The following CHODL variants were observed in gnomAD, a reference collection of about 807,000 sequenced individuals.
CHODL encodes chondrolectin.
Under a neutral mutation model 34.5 loss-of-function variants are expected in CHODL, and 29 were observed. That is an observed-to-expected ratio of 0.84 (90% CI 0.63 to 1.15). CHODL has a LOEUF of 1.15. CHODL is among the 50% of genes most tolerant of loss of function. CHODL has a pLI of 0.00. For missense variants in CHODL, 332 were observed against 332.5 expected (o/e 1.00, Z 0.01); for synonymous variants, 125 against 116.1 (o/e 1.08, Z -0.49).
At chr21:18,192,841 T>A (rs2073526814) in intron 2 of CHODL, among the ~76,000 whole-genome samples, 1 of 152,308 alleles carries the variant, frequency 6.6e-6, no homozygotes, top group Non-Finnish European at 1.5e-5. Context: ...CTAGTTGTTA[T>A]GTTGTCCTCA....
rs185962706 is a variant in CHODL at position 18,000,349 on chromosome 21, C to A, written c.-144-27523C>A. Among the ~76,000 whole-genome samples, 9 of 152,262 alleles carry A rather than the reference C, an allele frequency of 5.9e-5. No individual in the cohort carries two copies. The East Asian group carries it at 1.7e-3, about 29-fold the overall frequency. On this transcript the variant is annotated intron_variant, in intron 1 of 6. Coordinates refer to the CHODL transcript ENST00000400127. ...CAAAGAATAATGTCACAGGCTTGTT[C>A]CTTGCCTTGCATAAAATATGTAACT... is the stretch of plus-strand genomic sequence containing the variant.
chr21:18,127,672 GTTTTTTTTTTT>G (rs71318127), intron 2 of CHODL, among the ~76,000 whole-genome samples: 2 of 70,006 alleles, frequency 2.9e-5, no homozygotes, highest in African/African-American at 1.1e-4. Context: ...CGTTGCCATT[GTTTTTTTTTTT>G]TTTTTTTTTT....
At chr21:18,005,650 C>T (rs1365382103) in intron 1 of CHODL, among the ~76,000 whole-genome samples, 1 of 152,296 alleles carries the variant, frequency 6.6e-6, no homozygotes, top group Non-Finnish European at 1.5e-5. Flanking sequence ...AATTTACTTG[C>T]AAGTTATGTT....
At chr21:18,252,017 A>G (rs2074262809) in intron 1 of CHODL, among the ~76,000 whole-genome samples, 1 of 152,036 alleles carries the variant, frequency 6.6e-6, no homozygotes, top group Non-Finnish European at 1.5e-5. Flanking sequence ...CCTAGTGCAC[A>G]TCTAGCAAAT....
chr21:17,986,018 A>G (rs2146381395), intron 1 of CHODL, among the ~76,000 whole-genome samples: 1 of 152,258 alleles, frequency 6.6e-6, no homozygotes, highest in East Asian at 1.9e-4. Context: ...TTATCTTCCA[A>G]AAGCCTCACC....
intron 2 of CHODL, among the ~76,000 whole-genome samples, chr21:18,033,244 C>T (rs954550816): frequency 2.0e-5 from 3 of 151,844 alleles, no homozygotes; most frequent in Non-Finnish European, 2.9e-5. Context: ...ACAATAAAAG[C>T]GGTGACCTGC....
intron 1 of CHODL, among the ~76,000 whole-genome samples, chr21:17,921,844 T>A (rs1008777542): frequency 6.6e-6 from 1 of 152,228 alleles, no homozygotes; most frequent in African/African-American, 2.4e-5. Flanking sequence ...ATGCAGCATG[T>A]GGACAGCAGA....
intron 1 of CHODL, among the ~76,000 whole-genome samples, chr21:17,990,535 G>C (rs377306787): frequency 1.3e-5 from 2 of 151,950 alleles, no homozygotes; most frequent in African/African-American, 4.8e-5. Flanking sequence ...TTTCCACTAC[G>C]GTTTCAAGTA....
chr21:18,078,122 G>T (rs1365780836), intron 2 of CHODL, among the ~76,000 whole-genome samples: 1 of 152,114 alleles, frequency 6.6e-6, no homozygotes, highest in Non-Finnish European at 1.5e-5. Flanking sequence ...GTAAAACGGT[G>T]TATTAGTCTG....
At chr21:18,143,224 A>C (rs1459967451) in intron 2 of CHODL, among the ~76,000 whole-genome samples, 1 of 152,192 alleles carries the variant, frequency 6.6e-6, no homozygotes, top group Non-Finnish European at 1.5e-5. Flanking sequence ...ACCATAAATT[A>C]ATCCATACAT....
intron 2 of CHODL, among the ~76,000 whole-genome samples, chr21:18,058,592 G>A (rs530185090): frequency 2.0e-5 from 3 of 152,250 alleles, no homozygotes; most frequent in Non-Finnish European, 1.5e-5. Context: ...GGCAGAGAAA[G>A]ACAAATAAAT....
At chr21:18,174,157 A>ATATATATATATATATATATATATATATG (rs1555879240) in intron 2 of CHODL, among the ~76,000 whole-genome samples, 1 of 88,220 alleles carries the variant, frequency 1.1e-5, no homozygotes, top group African/African-American at 3.8e-5. Context: ...ATATATATAT[A>ATATATATATATATATATATATATATATG]TATAAAATCA....
At chr21:18,100,494 C>T (rs1648930375) in intron 2 of CHODL, among the ~76,000 whole-genome samples, 1 of 151,992 alleles carries the variant, frequency 6.6e-6, no homozygotes, top group Non-Finnish European at 1.5e-5. Flanking sequence ...AAAACATTTT[C>T]TTGTGTAGTA....
chr21:18,211,141 T>TACACAC (rs3077936), intron 2 of CHODL, among the ~76,000 whole-genome samples: 27,025 of 148,660 alleles, frequency 0.18, 2,723 homozygotes, highest in African/African-American at 0.27. Context: ...TACACATGGA[T>TACACAC]ACACACACAC....
intron 2 of CHODL, among the ~76,000 whole-genome samples, chr21:18,237,639 A>G (rs1231114629): frequency 6.6e-6 from 1 of 152,132 alleles, no homozygotes; most frequent in East Asian, 1.9e-4. Flanking sequence ...GACAGGGGAA[A>G]AATCTTTAAA....
At chr21:18,023,001 C>T (rs1057342962) in intron 1 of CHODL, among the ~76,000 whole-genome samples, 15 of 152,256 alleles carry the variant, frequency 9.9e-5, no homozygotes, top group Admixed American at 2.6e-4. Context: ...AAGCTGGTAA[C>T]GGCTGTTGCC....
intron 1 of CHODL, among the ~76,000 whole-genome samples, chr21:18,246,540 G>T (rs2074143952): frequency 6.6e-6 from 1 of 152,098 alleles, no homozygotes; most frequent in Admixed American, 6.5e-5. Flanking sequence ...AGAATTTTCA[G>T]AATCTGTGAC....
At chr21:18,140,117 T>C (rs2072783507) in intron 2 of CHODL, among the ~76,000 whole-genome samples, 2 of 152,158 alleles carry the variant, frequency 1.3e-5, no homozygotes, top group Admixed American at 6.6e-5. Context: ...AATGGCTAGA[T>C]TTCTAGGAAG....
intron 2 of CHODL, among the ~76,000 whole-genome samples, chr21:18,101,670 C>T (rs866807905): frequency 4.6e-5 from 7 of 151,020 alleles, no homozygotes; most frequent in Non-Finnish European, 1.0e-4. Flanking sequence ...GTGTTGAAGC[C>T]AGTAGCTGCA....
Sources: gnomAD v4.1 joint callset for allele counts (sites outside exome capture counted in the v4.1 genomes callset) on GRCh38, gnomAD v4.1.1 for gene constraint, MANE v1.5 for transcripts, NCBI Gene and HGNC (gene_info 2026-07-23, HGNC 2026-07-21) for gene names.